EEPD1: variants seen among roughly 807,000 people sequenced by gnomAD.
The protein encoded by EEPD1 is endonuclease/exonuclease/phosphatase family domain containing 1, also known as endonuclease/exonuclease/phosphatase family domain-containing protein 1.
Under a neutral mutation model 46.3 loss-of-function variants are expected in EEPD1, and 17 were observed. The observed-to-expected ratio is 0.37, with a 90% CI of 0.25 to 0.55. The LOEUF (loss-of-function observed/expected upper bound fraction) is 0.55, where lower values mean the gene tolerates loss of function less well. EEPD1 is among the 20% of genes least tolerant of loss of function. EEPD1 has a pLI of 0.83. For missense variants in EEPD1, 673 were observed against 745.6 expected (o/e 0.90, Z 1.13); for synonymous variants, 313 against 315.6 (o/e 0.99, Z 0.09).
At position 36,155,198 on chromosome 7, in the gene EEPD1, A is replaced by G; in HGVS notation, c.874A>G (p.Asn292Asp). Residue 292 changes from asparagine (N) to aspartate (D), a missense_variant, in exon 2 of 8, where the codon AAC becomes GAC. Coordinates refer to ENST00000242108, the MANE Select transcript of EEPD1 (RefSeq NM_030636.3). ...GGTGGTGTGCATGACACTCCTGGAA[A>G]ACAGGTGAGGACAGGAACCACCATG... Reference protein sequence around the residue: ...REVVCMTLLENSIKLLAVQEL... With the variant: ...REVVCMTLLEDSIKLLAVQEL... 6.6e-7 allele frequency: 1 copy of G among 1,511,618 alleles called. No individual in the cohort carries two copies. The highest frequency in any genetic ancestry group is 1.4e-5 in the African/African-American group (1 of 71,704). The allele number at this position is 1,511,618 out of a possible 1,614,324, so 93.6% of individuals were successfully genotyped here.
intron 2 of EEPD1, among the ~76,000 whole-genome samples, chr7:36,173,110 A>C (rs1312483595): frequency 6.6e-6 from 1 of 152,066 alleles, no homozygotes; most frequent in African/African-American, 2.4e-5. Flanking sequence ...CTTGAACTGT[A>C]ATCTCCACAT....
intron 2 of EEPD1, among the ~76,000 whole-genome samples, chr7:36,178,096 C>T (rs996924821): frequency 1.3e-5 from 2 of 152,222 alleles, no homozygotes; most frequent in African/African-American, 2.4e-5. Context: ...CTCAGGGCCT[C>T]ATCTTCTTCC....
intron 2 of EEPD1, among the ~76,000 whole-genome samples, chr7:36,158,525 T>C (rs1222867904): frequency 6.6e-6 from 1 of 152,196 alleles, no homozygotes; most frequent in Non-Finnish European, 1.5e-5. Flanking sequence ...TTACAGCATG[T>C]GTGAGCTATA....
intron 6 of EEPD1, among the ~76,000 whole-genome samples, chr7:36,293,646 C>G (rs1316841497): frequency 1.3e-5 from 2 of 152,138 alleles, no homozygotes; most frequent in Admixed American, 6.6e-5. Context: ...AAAAGGAACA[C>G]CCCCACCCCA....
At chr7:36,199,362 G>GC (rs113659792) in intron 2 of EEPD1, among the ~76,000 whole-genome samples, 22 of 152,206 alleles carry the variant, frequency 1.4e-4, no homozygotes, top group African/African-American at 5.1e-4. Flanking sequence ...CTCATTACCT[G>GC]CCCCCCCTTT....
At position 36,257,273 on chromosome 7, in the gene EEPD1, A is replaced by C. The variant is rs373638428; in HGVS notation, c.930+18237A>C. Among the ~76,000 whole-genome samples the C allele has an allele frequency of 6.6e-5, 10 of 150,850 alleles. 1 individual carries two copies. In the East Asian group the frequency reaches 1.2e-3, roughly 18 times the overall value. On this transcript the variant is annotated intron_variant, in intron 3 of 7. Coordinates refer to ENST00000242108, the MANE Select transcript of EEPD1 (RefSeq NM_030636.3). ...TTAACATTTTTTCCTTCATTTCAGC[A>C]TTAGTGAATCTGATGATTATGTGTC...
intron 2 of EEPD1, among the ~76,000 whole-genome samples, chr7:36,199,140 C>G (rs1195079584): frequency 1.3e-5 from 2 of 152,026 alleles, no homozygotes; most frequent in Non-Finnish European, 2.9e-5. Flanking sequence ...TCCGGGAAAT[C>G]CAAAGGAAGT....
chr7:36,205,378 T>G (rs1286701252), intron 2 of EEPD1, among the ~76,000 whole-genome samples: 1 of 152,246 alleles, frequency 6.6e-6, no homozygotes, highest in African/African-American at 2.4e-5. Context: ...ACAGTTTTGC[T>G]CTAGGCTTTT....
rs1003692748 is a variant in EEPD1, at chr7:36,157,984, C to G, written c.878+2782C>G. ...GGGTGCAGGTGATTTCTGGGTGGCT[C>G]TTATTTACATCCATGTGTACCTGTA... On this transcript the variant is annotated intron_variant, in intron 2 of 7. Coordinates refer to ENST00000242108, the MANE Select transcript of EEPD1 (RefSeq NM_030636.3). Among the ~76,000 whole-genome samples, 4 of 152,182 alleles carry G rather than the reference C, an allele frequency of 2.6e-5. No individual in the cohort carries two copies. The South Asian group carries it at 6.2e-4, about 24-fold the overall frequency.
At chr7:36,165,598 T>C (rs1362997397) in intron 2 of EEPD1, among the ~76,000 whole-genome samples, 1 of 148,614 alleles carries the variant, frequency 6.7e-6, no homozygotes, top group Non-Finnish European at 1.5e-5. Context: ...TTTATTTATT[T>C]ATTTATTTAT....
intron 2 of EEPD1, among the ~76,000 whole-genome samples, chr7:36,210,065 AG>A (rs1350085223): frequency 6.6e-6 from 1 of 151,558 alleles, no homozygotes; most frequent in Non-Finnish European, 1.5e-5. Flanking sequence ...GCAGGCAGCG[AG>A]GGTTTCCAAA....
intron 3 of EEPD1, among the ~76,000 whole-genome samples, chr7:36,258,789 C>A (rs181577289): frequency 1.3e-5 from 2 of 152,124 alleles, no homozygotes; most frequent in African/African-American, 4.8e-5. Context: ...TGAGCTAGAC[C>A]CCTTGGCTGC....
chr7:36,298,099 A>G (rs1787554492), intron 7 of EEPD1, among the ~76,000 whole-genome samples: 1 of 152,186 alleles, frequency 6.6e-6, no homozygotes, highest in Admixed American at 6.5e-5. Flanking sequence ...GTACTCTGTC[A>G]TGGGAGGACC....
chr7:36,252,433 GT>G (rs566448063), intron 3 of EEPD1, among the ~76,000 whole-genome samples: 2 of 152,302 alleles, frequency 1.3e-5, no homozygotes, highest in South Asian at 4.1e-4. Flanking sequence ...TGATAGGCTG[GT>G]TTTGTGAACT....
At chr7:36,204,818 G>T (rs903218644) in intron 2 of EEPD1, among the ~76,000 whole-genome samples, 2 of 151,884 alleles carry the variant, frequency 1.3e-5, no homozygotes, top group African/African-American at 4.8e-5. Context: ...TTGTTTGTTT[G>T]TTTTTTAAAA....
rs1288409876 is a variant in EEPD1 at position 36,153,273 on chromosome 7, A to T, written c.-594A>T. The T allele has an allele frequency of 6.6e-6, 1 of 152,360 alleles. No homozygotes were observed. Among genetic ancestry groups the T allele is most frequent in the African/African-American group, 2.4e-5 (1 of 41,376 alleles). 9.4% of individuals were successfully genotyped at this position (152,360 alleles called of 1,614,324 possible). A position where few individuals can be genotyped will look rare whatever the true frequency, so the allele number is the denominator to read the frequency against. ...GGCCGGGACTTTGGCTTTGACACCG[A>T]CTGCGAGCGGGAGCCGTGCGGCTGG... On this transcript the variant is annotated 5_prime_UTR_variant, in exon 1 of 8. Transcript: ENST00000242108.
At chr7:36,239,994 G>T (rs1197797037) in intron 3 of EEPD1, among the ~76,000 whole-genome samples, 1 of 152,224 alleles carries the variant, frequency 6.6e-6, no homozygotes, top group African/African-American at 2.4e-5. Context: ...TATTTGAGGG[G>T]GCTAGGTGAG....
At position 36,256,454 on chromosome 7, in the gene EEPD1, C is replaced by G. The variant is rs147797385; in HGVS notation, c.930+17418C>G. ...TCTCCCAGTATTATTGTGTGGGATT[C>G]TAAGTCTCTTTATAGGTCTCTAAGA... On this transcript the variant is annotated intron_variant, in intron 3 of 7. Transcript: ENST00000242108. 1.7e-3 allele frequency among the ~76,000 whole-genome samples: 252 copies of G among 152,300 alleles called. 2 individuals carry two copies. The highest frequency in any genetic ancestry group is 5.6e-3 in the African/African-American group (234 of 41,570).
At chr7:36,234,881 C>G (rs1786402208) in intron 2 of EEPD1, among the ~76,000 whole-genome samples, 1 of 151,862 alleles carries the variant, frequency 6.6e-6, no homozygotes, top group South Asian at 2.1e-4. Flanking sequence ...CATGCTTTTA[C>G]TGTGTGCTGA....
Sources: gnomAD v4.1 joint callset for allele counts (sites outside exome capture counted in the v4.1 genomes callset) on GRCh38, gnomAD v4.1.1 for gene constraint, MANE v1.5 for transcripts, NCBI Gene and HGNC (gene_info 2026-07-23, HGNC 2026-07-21) for gene names.